USP15: variants seen among roughly 807,000 people sequenced by gnomAD.
USP15 encodes ubiquitin carboxyl-terminal hydrolase 15.
Under a neutral mutation model 127.1 loss-of-function variants are expected in USP15, and 18 were observed. The observed-to-expected ratio is 0.14, with a 90% confidence interval of 0.10 to 0.21. The LOEUF is 0.21. Ranked by LOEUF, USP15 falls within the 10% of genes least tolerant of loss-of-function variation. The pLI is 1.00. For missense variants in USP15, 805 were observed against 1,159.9 expected, an observed-to-expected ratio of 0.69 and a Z score of 4.44; for synonymous variants, 364 against 393.7, an observed-to-expected ratio of 0.92 and a Z score of 0.89.
At chr12:62,267,090 G>A (rs1279288204) in intron 1 of USP15, 1 of 152,032 alleles carries the variant, frequency 6.6e-6, no homozygotes, top group Non-Finnish European at 1.5e-5. Flanking sequence ...TCCTTGTATA[G>A]AATTTTTCAA....
At chr12:62,285,031 CAG>C (rs1193824430) in intron 1 of USP15, among the ~76,000 whole-genome samples, 2 of 151,972 alleles carry the variant, frequency 1.3e-5, no homozygotes, top group African/African-American at 4.8e-5. Context: ...GAGGAACAGT[CAG>C]AGATAGTATT....
rs2068139485 is a variant in USP15 at position 62,415,729 on chromosome 12, G to A, written c.*11354G>A. 6.6e-6 allele frequency: 1 copy of A among 152,176 alleles called. No individual in the cohort carries two copies. The highest frequency in any genetic ancestry group is 2.4e-5 in the African/African-American group (1 of 41,440). 9.4% of individuals were successfully genotyped at this position (152,176 alleles called of 1,614,324 possible). On this transcript the variant is annotated 3_prime_UTR_variant, in exon 22 of 22. Transcript: ENST00000280377. Reference sequence around the variant, plus strand: ...TTTTCTCAGAATATACAGTTTGCTTGTGATGGAGGGCTATTAATATTTATA... The same window carrying A: ...TTTTCTCAGAATATACAGTTTGCTTATGATGGAGGGCTATTAATATTTATA...
intron 1 of USP15, among the ~76,000 whole-genome samples, chr12:62,260,774 T>TGA: frequency 6.6e-6 from 1 of 152,278 alleles, no homozygotes; most frequent in Non-Finnish European, 1.5e-5. Flanking sequence ...TTCGTCCTCC[T>TGA]TCCTTCCGTA....
intron 1 of USP15, among the ~76,000 whole-genome samples, chr12:62,261,799 CCTT>C (rs2063068474): frequency 6.6e-6 from 1 of 152,094 alleles, no homozygotes; most frequent in African/African-American, 2.4e-5. Context: ...AGACTTAGGA[CCTT>C]AATTTAACCT....
In USP15 at chr12:62,381,732, G is replaced by A. The variant is rs1156753526; in HGVS notation, c.1089+69G>A. On this transcript the variant is annotated intron_variant, in intron 9 of 21. Transcript: ENST00000280377. ...ACAAAAGTTGGTTCTTGGGGATAGG[G>A]GGAGTGAAAAATAGTAGCTATTACA... The A allele has an allele frequency of 8.7e-6, 13 of 1,495,832 alleles. No homozygotes were observed. In the African/African-American group the frequency reaches 1.5e-4, roughly 18 times the overall value. 92.7% of individuals were successfully genotyped at this position (1,495,832 alleles called of 1,614,324 possible). A position where few individuals can be genotyped will look rare whatever the true frequency, so the allele number is the denominator to read the frequency against.
In USP15 at chr12:62,396,336, G is replaced by C. The variant is rs754383216; in HGVS notation, c.2612G>C (p.Gly871Ala). ...MSEFLINPNA[G>A]PCRYNLIAVS... ...GAATTCTTAATTAATCCAAATGCAG[G>C]TCCTTGCCGCTATAATCTGATTGCT... is the stretch of plus-strand genomic sequence containing the variant. Residue 871 changes from glycine to alanine, a missense_variant, in exon 20 of 22, where the codon GGT becomes GCT. Gly to Ala is a moderately conservative substitution (Grantham distance 60, BLOSUM62 0). Coordinates refer to ENST00000280377, the MANE Select transcript of USP15 (RefSeq NM_001252078.2). 2.5e-6 allele frequency: 4 copies of C among 1,601,218 alleles called. No individual in the cohort carries two copies. The South Asian group carries it at 4.5e-5, about 18-fold the overall frequency.
chr12:62,285,050 A>G (rs556372026), intron 1 of USP15, among the ~76,000 whole-genome samples: 42 of 152,246 alleles, frequency 2.8e-4, no homozygotes, highest in African/African-American at 9.9e-4. Flanking sequence ...TATTGTTGTT[A>G]TTAACTTCTG....
intron 7 of USP15, among the ~76,000 whole-genome samples, chr12:62,350,518 T>C (rs897131596): frequency 6.6e-6 from 1 of 152,178 alleles, no homozygotes; most frequent in African/African-American, 2.4e-5. Context: ...AAGAACTTGT[T>C]ACAAATGATA....
intron 3 of USP15, among the ~76,000 whole-genome samples, chr12:62,308,973 ATTC>A (rs2064571163): frequency 6.6e-6 from 1 of 152,192 alleles, no homozygotes; most frequent in South Asian, 2.1e-4. Flanking sequence ...ATTGGCTGAA[ATTC>A]TCAGAAGGAA....
intron 11 of USP15, among the ~76,000 whole-genome samples, chr12:62,387,531 G>A (rs1238066684): frequency 6.6e-6 from 1 of 152,140 alleles, no homozygotes; most frequent in South Asian, 2.1e-4. Flanking sequence ...GTGTTATAAG[G>A]AAAGGGAATT....
intron 8 of USP15, among the ~76,000 whole-genome samples, chr12:62,379,750 C>T (rs1177748242): frequency 3.3e-5 from 5 of 152,066 alleles, no homozygotes; most frequent in African/African-American, 1.2e-4. Flanking sequence ...CTTTGTCTGA[C>T]TATTTAATGT....
intron 8 of USP15, among the ~76,000 whole-genome samples, chr12:62,365,596 C>T (rs1367788511): frequency 6.6e-6 from 1 of 152,120 alleles, no homozygotes; most frequent in East Asian, 1.9e-4. Context: ...GTTGCCATTG[C>T]TTTTGGTGTT....
intron 1 of USP15, among the ~76,000 whole-genome samples, chr12:62,275,963 A>G (rs528972798): frequency 2.0e-5 from 3 of 150,902 alleles, no homozygotes; most frequent in Non-Finnish European, 3.0e-5. Flanking sequence ...ATTACAGGTC[A>G]TCTTTGAAGG....
intron 12 of USP15, 42 bp downstream of exon 12, chr12:62,389,556 G>A (rs2067257315): frequency 6.2e-7 from 1 of 1,610,934 alleles, no homozygotes; most frequent in Middle Eastern, 1.7e-4. Flanking sequence ...TTGGTATTTA[G>A]TTTCTCAGTG....
chr12:62,271,550 A>T (rs1431937069), intron 1 of USP15, among the ~76,000 whole-genome samples: 1 of 151,900 alleles, frequency 6.6e-6, no homozygotes, highest in Non-Finnish European at 1.5e-5. Flanking sequence ...AATTTTTCTT[A>T]GTTTTTTCTG....
chr12:62,362,222 C>T (rs1217924308), intron 8 of USP15, among the ~76,000 whole-genome samples: 2 of 151,894 alleles, frequency 1.3e-5, no homozygotes, highest in Non-Finnish European at 2.9e-5. Flanking sequence ...ATAAGAAATG[C>T]TTATGTTTTG....
chr12:62,272,105 C>T (rs1463986232), intron 1 of USP15, among the ~76,000 whole-genome samples: 2 of 151,406 alleles, frequency 1.3e-5, no homozygotes, highest in Admixed American at 6.6e-5. Flanking sequence ...ATACTAGATG[C>T]TGCCAGTATC....
chr12:62,405,126 T>C lies in USP15; in HGVS notation c.*751T>C, dbSNP rs968271856. ...TATTCTTCAGATATTCAAAAACATTTTTTGCTTTAAAATGCATATCTTTAA... is the reference window on the plus strand; with the variant it reads ...TATTCTTCAGATATTCAAAAACATTCTTTGCTTTAAAATGCATATCTTTAA... On this transcript the variant is annotated 3_prime_UTR_variant, in exon 22 of 22. Coordinates refer to ENST00000280377, the MANE Select transcript of USP15 (RefSeq NM_001252078.2). 3 of 152,136 alleles carry C rather than the reference T, an allele frequency of 2.0e-5. No individual in the cohort carries two copies. The highest frequency in any genetic ancestry group is 4.4e-5 in the Non-Finnish European group (3 of 67,996). The allele number at this position is 152,136 out of a possible 1,614,324, so 9.4% of individuals were successfully genotyped here.
chr12:62,298,685 A>G (rs1339656645), intron 2 of USP15, among the ~76,000 whole-genome samples: 2 of 151,662 alleles, frequency 1.3e-5, no homozygotes, highest in Non-Finnish European at 2.9e-5. Flanking sequence ...ATAACATAAT[A>G]TGTGGGTGGT....
Sources: allele counts gnomAD v4.1 joint callset (sites outside exome capture counted in the v4.1 genomes callset), GRCh38; gene constraint gnomAD v4.1.1; transcripts MANE v1.5; gene names NCBI Gene and HGNC (gene_info 2026-07-23, HGNC 2026-07-21).